The following SYT16 variants were observed in gnomAD, a reference collection of about 807,000 sequenced individuals.
The protein encoded by SYT16 is synaptotagmin 16.
Under a neutral mutation model 61.4 loss-of-function variants are expected in SYT16, and 42 were observed. That is an observed-to-expected ratio of 0.68 (90% CI 0.53 to 0.89). The LOEUF (loss-of-function observed/expected upper bound fraction) is 0.89, where lower values mean the gene tolerates loss of function less well. Ranked by LOEUF, SYT16 falls within the 40% of genes least tolerant of loss-of-function variation. SYT16 has a pLI of 0.00. For missense variants in SYT16, 804 were observed against 807.3 expected, an observed-to-expected ratio of 1.00 and a Z score of 0.05; for synonymous variants, 314 against 302.3, an observed-to-expected ratio of 1.04 and a Z score of -0.40.
At chr14:62,005,693 A>G (rs1442715281) in intron 3 of SYT16, among the ~76,000 whole-genome samples, 1 of 152,188 alleles carries the variant, frequency 6.6e-6, no homozygotes, top group African/African-American at 2.4e-5. Context: ...ACATTTCTCT[A>G]TAAAGAGAGG....
At chr14:61,948,991 A>G (rs2050559053) in intron 1 of SYT16, among the ~76,000 whole-genome samples, 1 of 152,186 alleles carries the variant, frequency 6.6e-6, no homozygotes, top group South Asian at 2.1e-4. Context: ...AGACCTTAGG[A>G]GGAGACAGCT....
intron 1 of SYT16, among the ~76,000 whole-genome samples, chr14:61,965,973 C>T (rs2051299624): frequency 6.6e-6 from 1 of 151,926 alleles, no homozygotes; most frequent in Admixed American, 6.6e-5. Context: ...AATTCTGTTG[C>T]CCACAGAGTA....
rs2057562862 is a variant in SYT16, at chr14:62,109,240, T to C, written c.*8533T>C. ...ACTGGTCCTTGTACTGTCCCCAGAG[T>C]TTTGCCTTTTCCAGAATGTCATACA... On this transcript the variant is annotated 3_prime_UTR_variant, in exon 8 of 8. Transcript: ENST00000683842. 1 of 152,030 alleles carries C rather than the reference T, an allele frequency of 6.6e-6. No homozygotes were observed. Among genetic ancestry groups the C allele is most frequent in the Non-Finnish European group, 1.5e-5 (1 of 68,010 alleles). The allele number at this position is 152,030 out of a possible 1,614,324, so 9.4% of individuals were successfully genotyped here. A position where few individuals can be genotyped will look rare whatever the true frequency, so the allele number is the denominator to read the frequency against.
intron 1 of SYT16, among the ~76,000 whole-genome samples, chr14:61,906,332 G>T (rs530806008): frequency 2.8e-4 from 43 of 152,238 alleles, no homozygotes; most frequent in Non-Finnish European, 5.9e-4. Context: ...ACCCAGGCTG[G>T]AGTGCAGTGG....
chr14:61,911,261 T>C (rs2048923075), intron 1 of SYT16, among the ~76,000 whole-genome samples: 1 of 152,226 alleles, frequency 6.6e-6, no homozygotes, highest in Non-Finnish European at 1.5e-5. Flanking sequence ...CTACCTAGGC[T>C]TGGAGATCTG....
chr14:61,812,773 C>A lies in SYT16; in HGVS notation c.-362C>A, dbSNP rs1355528675. Reference sequence around the variant, plus strand: ...CGCCGGTTTCCCGAACCTGGGCGGCCGTCGGGCAGCCCCCTCGTCCGACCA... The same window carrying A: ...CGCCGGTTTCCCGAACCTGGGCGGCAGTCGGGCAGCCCCCTCGTCCGACCA... On this transcript the variant is annotated 5_prime_UTR_variant, in exon 1 of 8. Coordinates refer to ENST00000683842, the MANE Select transcript of SYT16 (RefSeq NM_001367656.1). The A allele has an allele frequency of 6.6e-6, 1 of 151,524 alleles. No homozygotes were observed. The highest frequency in any genetic ancestry group is 1.5e-5 in the Non-Finnish European group (1 of 67,862). 9.4% of individuals were successfully genotyped at this position (151,524 alleles called of 1,614,324 possible). A position where few individuals can be genotyped will look rare whatever the true frequency, so the allele number is the denominator to read the frequency against.
At chr14:61,905,774 T>G (rs1377106419) in intron 1 of SYT16, among the ~76,000 whole-genome samples, 1 of 53,354 alleles carries the variant, frequency 1.9e-5, no homozygotes, top group Non-Finnish European at 6.9e-5. Flanking sequence ...TTTTTTTTTT[T>G]TGGGGATAAA....
intron 7 of SYT16, among the ~76,000 whole-genome samples, chr14:62,088,519 T>A (rs1228245072): frequency 6.6e-6 from 1 of 152,242 alleles, no homozygotes; most frequent in Non-Finnish European, 1.5e-5. Context: ...TAAAATTTTT[T>A]ATCTATATAT....
chr14:62,017,583 A>G (rs965928216), intron 3 of SYT16, among the ~76,000 whole-genome samples: 4 of 152,054 alleles, frequency 2.6e-5, no homozygotes, highest in Admixed American at 1.3e-4. Context: ...AGTTATTCAT[A>G]CCTCTCCCTT....
chr14:61,858,500 C>G (rs1010344021), intron 1 of SYT16, among the ~76,000 whole-genome samples: 1 of 152,082 alleles, frequency 6.6e-6, no homozygotes, highest in African/African-American at 2.4e-5. Context: ...GAGACTATGA[C>G]TACAACAAAT....
intron 3 of SYT16, among the ~76,000 whole-genome samples, chr14:62,013,316 A>C (rs193154121): frequency 6.6e-6 from 1 of 152,314 alleles, no homozygotes; most frequent in Admixed American, 6.5e-5. Context: ...TGGTTGTCCC[A>C]AAGGGGGTTG....
intron 3 of SYT16, among the ~76,000 whole-genome samples, chr14:62,033,730 G>A (rs1010254483): frequency 2.4e-4 from 36 of 152,034 alleles, no homozygotes; most frequent in Non-Finnish European, 8.8e-5. Flanking sequence ...AGACATAAAT[G>A]TAAAAGTTAA....
chr14:61,831,972 A>G (rs903092914), intron 1 of SYT16: 7 of 589,906 alleles, frequency 1.2e-5, no homozygotes, highest in African/African-American at 1.1e-4. Context: ...CTCTTTGTCA[A>G]AGGTGTGCGG....
intron 3 of SYT16, among the ~76,000 whole-genome samples, chr14:62,031,288 C>T (rs540642550): frequency 1.3e-5 from 2 of 152,266 alleles, no homozygotes; most frequent in South Asian, 2.1e-4. Flanking sequence ...ATCTGGATTT[C>T]GAATGAGCTA....
rs76423748 is a variant in SYT16, at chr14:62,053,181, G to C, written c.524-16422G>C. The stretch of plus-strand genomic sequence containing the variant: ...GAGAATACGTAAATAATCATGTCCA[G>C]ATTGTTGGTAGAAATGTGAACAGTA... On this transcript the variant is annotated intron_variant, in intron 3 of 7. Transcript: ENST00000683842. 9.0e-3 allele frequency among the ~76,000 whole-genome samples: 1,368 copies of C among 152,324 alleles called. 18 individuals carry two copies. Among genetic ancestry groups the C allele is most frequent in the African/African-American group, 0.032 (1,313 of 41,562 alleles).
intron 1 of SYT16, among the ~76,000 whole-genome samples, chr14:61,870,609 A>G (rs1451153475): frequency 6.6e-6 from 1 of 152,078 alleles, no homozygotes; most frequent in Non-Finnish European, 1.5e-5. Flanking sequence ...GGTAGGCCAC[A>G]TGATGTTATC....
chr14:62,035,290 T>A (rs1879503846), intron 3 of SYT16, among the ~76,000 whole-genome samples: 1 of 152,196 alleles, frequency 6.6e-6, no homozygotes, highest in Admixed American at 6.5e-5. Context: ...TTGTTTAGTA[T>A]CTTATTTTTG....
chr14:61,950,584 A>G (rs190179670), intron 1 of SYT16, among the ~76,000 whole-genome samples: 14 of 152,320 alleles, frequency 9.2e-5, no homozygotes, highest in Admixed American at 7.8e-4. Flanking sequence ...ATGTGTCACA[A>G]TAATAACAAT....
chr14:61,837,467 G>C (rs987104773), intron 1 of SYT16, among the ~76,000 whole-genome samples: 1 of 152,076 alleles, frequency 6.6e-6, no homozygotes, highest in African/African-American at 2.4e-5. Flanking sequence ...TCGAACTCCT[G>C]GCTTCAAGTG....
Sources: gnomAD v4.1 joint callset for allele counts (sites outside exome capture counted in the v4.1 genomes callset) on GRCh38, gnomAD v4.1.1 for gene constraint, MANE v1.5 for transcripts, NCBI Gene and HGNC (gene_info 2026-07-23, HGNC 2026-07-21) for gene names.